Variants in VWDE observed in about 807,000 individuals in gnomAD.
The protein encoded by VWDE is von Willebrand factor D and EGF domains.
A neutral mutation model predicts 178.4 loss-of-function variants in VWDE; 207 were observed. The ratio of observed to expected loss-of-function variants is 1.16; its 90% CI spans 1.04 to 1.30. The LOEUF (loss-of-function observed/expected upper bound fraction) is 1.30. VWDE is among the 50% of genes most tolerant of loss of function. The pLI, the probability that VWDE is intolerant of heterozygous loss-of-function variation, is 0.00. For missense variants in VWDE, 2,287 were observed against 1,901.3 expected (o/e 1.20, Z -3.77); for synonymous variants, 738 against 651.4 (o/e 1.13, Z -2.02).
At position 12,370,188 on chromosome 7, in the gene VWDE, T is replaced by C; in HGVS notation, c.2118A>G (p.Lys706=). The C allele has an allele frequency of 6.4e-7, 1 of 1,551,396 alleles. No individual in the cohort carries two copies. Among genetic ancestry groups the C allele is most frequent in the Non-Finnish European group, 8.7e-7 (1 of 1,146,864 alleles). Reference sequence around the variant, plus strand: ...GATGTTTTTGTACATTTAAGCCGAGTTTAGTCAGGTTTATGTGTTTTTTTT... The same window carrying C: ...GATGTTTTTGTACATTTAAGCCGAGCTTAGTCAGGTTTATGTGTTTTTTTT... ...LQEKKHINLT[K]LGLNVQKHPG... The change falls in exon 12 of 29, where the codon AAA becomes AAG. Residue 706 remains lysine (K), a synonymous_variant. Coordinates refer to ENST00000275358, the MANE Select transcript of VWDE (RefSeq NM_001135924.3).
intron 2 of VWDE, among the ~76,000 whole-genome samples, chr7:12,392,786 A>C (rs1233561447): frequency 6.7e-6 from 1 of 148,706 alleles, no homozygotes; most frequent in Non-Finnish European, 1.5e-5. Flanking sequence ...AAAAAGAGTG[A>C]ACGTTACGTA....
At chr7:12,378,769 T>G (rs1285152662) in intron 6 of VWDE, among the ~76,000 whole-genome samples, 1 of 152,210 alleles carries the variant, frequency 6.6e-6, no homozygotes, top group African/African-American at 2.4e-5. Context: ...TCCTACTGTG[T>G]GTACATGGAC....
intron 2 of VWDE, among the ~76,000 whole-genome samples, chr7:12,391,130 T>C (rs1784370464): frequency 6.6e-6 from 1 of 152,138 alleles, no homozygotes; most frequent in Non-Finnish European, 1.5e-5. Context: ...ATTGAACATA[T>C]AACATGAACA....
At position 12,356,299 on chromosome 7, in the gene VWDE, C is replaced by T. The variant is rs1262419780; in HGVS notation, c.3557G>A (p.Gly1186Asp). Residue 1186 changes from glycine (G) to aspartate (D), a missense_variant, in exon 18 of 29, where the codon GGT becomes GAT. By Grantham distance (94) the Gly-to-Asp change is moderately conservative. Transcript: ENST00000275358. ...GTTCCTATCAGATACACATGATCCA[C>T]CATTCAAGCAATCACAAGACTTCAC... ...VTVKSCDCLN[G>D]GSCVSDRNFS... 1 of 1,551,262 alleles carries T rather than the reference C, an allele frequency of 6.4e-7. No homozygotes were observed.
intron 3 of VWDE, among the ~76,000 whole-genome samples, chr7:12,385,727 G>A (rs886630625): frequency 1.3e-5 from 2 of 152,270 alleles, no homozygotes; most frequent in African/African-American, 4.8e-5. Context: ...GTTCTAAACG[G>A]TATTCCAAGG....
chr7:12,350,131 T>C (rs1781848146), intron 19 of VWDE, among the ~76,000 whole-genome samples: 1 of 151,992 alleles, frequency 6.6e-6, no homozygotes, highest in Non-Finnish European at 1.5e-5. Context: ...AAATGTTTTA[T>C]TAAAGTGGCA....
At chr7:12,373,827 T>C (rs1450742581) in intron 9 of VWDE, among the ~76,000 whole-genome samples, 5 of 152,160 alleles carry the variant, frequency 3.3e-5, no homozygotes, top group African/African-American at 1.2e-4. Flanking sequence ...CATTCATCAC[T>C]ACTACACTTT....
chr7:12,402,973 T>G (rs1406531644), intron 1 of VWDE, among the ~76,000 whole-genome samples: 2 of 152,138 alleles, frequency 1.3e-5, no homozygotes, highest in Non-Finnish European at 2.9e-5. Context: ...TCATTAATAT[T>G]CCTATCTGTA....
At chr7:12,372,653 A>C (rs1783269532) in intron 10 of VWDE, among the ~76,000 whole-genome samples, 2 of 152,122 alleles carry the variant, frequency 1.3e-5, no homozygotes, top group Non-Finnish European at 2.9e-5. Flanking sequence ...GATTATTCCT[A>C]AATATTTGTT....
chr7:12,340,432 G>C lies in VWDE; in HGVS notation c.4271-15C>G. ...GTCGCACAAAGCTAATAAACAGCAGGAGGAAAAGAGAACATAAAAGTTTTA... is the reference window on the plus strand; with the variant it reads ...GTCGCACAAAGCTAATAAACAGCAGCAGGAAAAGAGAACATAAAAGTTTTA... On this transcript the variant is annotated splice_polypyrimidine_tract_variant and intron_variant, in intron 23 of 28. Transcript: ENST00000275358. 1.3e-6 allele frequency: 2 copies of C among 1,526,798 alleles called. No homozygotes were observed. The highest frequency in any genetic ancestry group is 1.8e-6 in the Non-Finnish European group (2 of 1,130,570). 94.6% of individuals were successfully genotyped at this position (1,526,798 alleles called of 1,614,324 possible). A position where few individuals can be genotyped will look rare whatever the true frequency, so the allele number is the denominator to read the frequency against.
chr7:12,367,363 C>G lies in VWDE; in HGVS notation c.2892G>C (p.Lys964Asn), dbSNP rs6460939. ...ELPSIKCEVT[K>N]LQYNSSEWMP... is the part of the protein sequence containing the mutation. ...AACTCTATAATTAACATACCTGTAG[C>G]TTAGTAACTTCACATTTAATTGAAG... is the stretch of plus-strand genomic sequence containing the variant. The change falls in exon 13 of 29, where the codon AAG becomes AAC. Residue 964 changes from lysine to asparagine, a missense_variant. Transcript: ENST00000275358. 0.47 allele frequency: 728,919 copies of G among 1,539,154 alleles called. 175,027 individuals are homozygous for G. The highest frequency in any genetic ancestry group is 0.62 in the South Asian group (50,642 of 82,084).
At chr7:12,378,692 C>T (rs1253246854) in intron 6 of VWDE, among the ~76,000 whole-genome samples, 3 of 152,178 alleles carry the variant, frequency 2.0e-5, no homozygotes, top group South Asian at 2.1e-4. Flanking sequence ...TTGACCTCTG[C>T]TTCCCCTCAC....
chr7:12,393,810 T>C, intron 1 of VWDE, 32 bp from the exon 2 acceptor site: 1 of 1,497,118 alleles, frequency 6.7e-7, no homozygotes, highest in Non-Finnish European at 8.9e-7. Flanking sequence ...TTTTATGTAA[T>C]GTGTTTTGTT....
In VWDE at chr7:12,393,661, A is replaced by G; in HGVS notation, c.176T>C (p.Leu59Pro). ...GAGAAATCTATACCATCCAGGGGAG[A>G]GGGAATGGTCACATATTAGGTCTTG... ...AVQDLICDHS[L>P]SPGWYRFLIL... is the part of the protein sequence containing the mutation. The change falls in exon 2 of 29, where the codon CTC (leucine) becomes CCC (proline). Residue 59 changes from leucine to proline, a missense_variant. Physicochemically the swap from Leu to Pro is moderately conservative, Grantham distance 98 (BLOSUM62 -3). Coordinates refer to ENST00000275358, the MANE Select transcript of VWDE (RefSeq NM_001135924.3). 6.4e-7 allele frequency: 1 copy of G among 1,551,190 alleles called. No homozygotes were observed.
chr7:12,373,388 T>C (rs1362738638), intron 9 of VWDE, 141 bp from the exon 10 acceptor site: 9 of 798,838 alleles, frequency 1.1e-5, no homozygotes, highest in Non-Finnish European at 1.8e-5. Flanking sequence ...AACACCTCAA[T>C]CTCTCCCACT....
At chr7:12,392,518 C>A (rs948526587) in intron 2 of VWDE, among the ~76,000 whole-genome samples, 1 of 151,832 alleles carries the variant, frequency 6.6e-6, no homozygotes, top group Admixed American at 6.6e-5. Context: ...GGACTATGAA[C>A]GAATTAGGGG....
chr7:12,333,797 T>TA, intron 27 of VWDE: 1 of 346,294 alleles, frequency 2.9e-6, no homozygotes, highest in East Asian at 4.5e-5. Context: ...TGGAATTCTA[T>TA]AAAGATATTA....
chr7:12,394,306 C>T (rs559590618), intron 1 of VWDE, among the ~76,000 whole-genome samples: 1 of 135,072 alleles, frequency 7.4e-6, no homozygotes, highest in Non-Finnish European at 1.6e-5. Flanking sequence ...TTCTTGGATG[C>T]AGAAAAACAT....
At chr7:12,394,831 C>G (rs1784551258) in intron 1 of VWDE, among the ~76,000 whole-genome samples, 1 of 151,952 alleles carries the variant, frequency 6.6e-6, no homozygotes, top group Non-Finnish European at 1.5e-5. Flanking sequence ...CCTTATCTAA[C>G]TAAAAAATTA....
Sources: gnomAD v4.1 joint callset for allele counts (sites outside exome capture counted in the v4.1 genomes callset) on GRCh38, gnomAD v4.1.1 for gene constraint, MANE v1.5 for transcripts, NCBI Gene and HGNC (gene_info 2026-07-23, HGNC 2026-07-21) for gene names.